ABCC10: variants seen among roughly 807,000 people sequenced by gnomAD.
The protein encoded by ABCC10 is ATP binding cassette subfamily C member 10, also known as ATP-binding cassette sub-family C member 10.
A neutral mutation model predicts 143.2 loss-of-function variants in ABCC10; 110 were observed. The observed-to-expected ratio is 0.77, with a 90% CI of 0.66 to 0.90. The LOEUF is 0.90. Ranked by LOEUF, ABCC10 falls within the 40% of genes least tolerant of loss-of-function variation. The probability of loss-of-function intolerance (pLI) is 0.00; values close to 1 mark genes in which losing one functional copy is unlikely to be tolerated. For synonymous variants in ABCC10, 805 were observed against 846.7 expected, an observed-to-expected ratio of 0.95 and a Z score of 0.85; for missense variants, 1,700 against 1,900.5, an observed-to-expected ratio of 0.89 and a Z score of 1.96.
chr6:43,438,032 ACCCCTGT>A lies in ABCC10; in HGVS notation c.1955+22_1955+28del. 3.7e-6 allele frequency: 6 copies of A among 1,606,480 alleles called. No homozygotes were observed. Among genetic ancestry groups the A allele is most frequent in the Non-Finnish European group, 5.1e-6 (6 of 1,176,280 alleles). On this transcript the variant is annotated intron_variant, in intron 7 of 21. Transcript: ENST00000372530. ...TCCACAGGTAACCAACCTCCTATGC[ACCCCTGT>A]CCTTACTTTGTCCTTTAGCAAACAC...
intron 9 of ABCC10, chr6:43,442,162 A>T (rs1782542007): frequency 2.3e-6 from 1 of 427,962 alleles, no homozygotes; most frequent in African/African-American, 2.0e-5. Flanking sequence ...AAGTATTTGT[A>T]GGCTGGGCAT....
chr6:43,444,101 T>A (rs907269103), intron 11 of ABCC10, 58 bp from the exon 12 acceptor site: 61 of 1,609,468 alleles, frequency 3.8e-5, no homozygotes, highest in Non-Finnish European at 5.0e-5. Flanking sequence ...TCTGAAATAC[T>A]GAGTTTTCAG....
At chr6:43,439,062 C>T (rs1163754169) in intron 8 of ABCC10, among the ~76,000 whole-genome samples, 2 of 152,166 alleles carry the variant, frequency 1.3e-5, no homozygotes, top group Non-Finnish European at 2.9e-5. Context: ...TGGGGCTTAG[C>T]TCTGCACAGC....
rs754481928 is a variant in ABCC10, at chr6:43,432,176, T to C, written c.196T>C (p.Trp66Arg). Residue 66 changes from tryptophan to arginine, a missense_variant, in exon 3 of 22, where the codon TGG becomes CGG. Physicochemically the swap from Trp to Arg is moderately radical, Grantham distance 101. Coordinates refer to ENST00000372530, the MANE Select transcript of ABCC10 (RefSeq NM_001198934.2). ...TTACATCCTACCCTGCAGTCCTGGA[T>C]GGCGCCTCCGACTTGCAGCTTCCTT... The part of the protein sequence containing the change: ...PDYILPCSPG[W>R]RLRLAASFLL... The C allele has an allele frequency of 1.2e-5, 20 of 1,614,228 alleles. No homozygotes were observed. The highest frequency in any genetic ancestry group is 1.7e-5 in the Non-Finnish European group (20 of 1,180,020).
chr6:43,440,289 C>T (rs1581747559), intron 8 of ABCC10, among the ~76,000 whole-genome samples: 1 of 152,236 alleles, frequency 6.6e-6, no homozygotes, highest in South Asian at 2.1e-4. Flanking sequence ...AAGGAATGTA[C>T]TACCTCTAAG....
At chr6:43,436,284 T>G (rs746699605) in intron 6 of ABCC10, 37 bp downstream of exon 6, 2 of 1,600,614 alleles carry the variant, frequency 1.2e-6, no homozygotes, top group Non-Finnish European at 1.7e-6. Context: ...GTCCTCAGAC[T>G]AACGAGAGAG....
downstream of ABCC10, chr6:43,450,586 G>T (rs1161083390): frequency 3.2e-6 from 5 of 1,586,864 alleles, no homozygotes; most frequent in African/African-American, 2.7e-5. This position sits in a 1 kb window ranked among gnomAD's most constrained non-coding sequence, Gnocchi z 4.5. Context: ...TCACGTGGCA[G>T]GGGGAGCCCT....
chr6:43,442,646 A>G (rs553794535), intron 9 of ABCC10, among the ~76,000 whole-genome samples: 35 of 151,966 alleles, frequency 2.3e-4, no homozygotes, highest in Middle Eastern at 3.4e-3. Flanking sequence ...GGGAAGGATC[A>G]CTTGAGCCTG....
intron 15 of ABCC10, 38 bp downstream of exon 15, chr6:43,445,980 G>A (rs903594402): frequency 1.3e-6 from 2 of 1,580,040 alleles, no homozygotes; most frequent in African/African-American, 1.4e-5. Context: ...AGGTGTTGGG[G>A]GGAGAGGAAA....
chr6:43,450,893 G>A (rs756406599), downstream of ABCC10: 2 of 1,614,192 alleles, frequency 1.2e-6, no homozygotes, highest in Non-Finnish European at 1.7e-6. This position sits in a 1 kb window ranked among gnomAD's most constrained non-coding sequence, Gnocchi z 4.5. Flanking sequence ...CAGCTGAGGT[G>A]GGCCCTAGAG....
At chr6:43,432,017 G>A (rs749914618) in intron 2 of ABCC10, 125 bp from the exon 3 acceptor site, 2 of 1,470,640 alleles carry the variant, frequency 1.4e-6, no homozygotes, top group African/African-American at 1.4e-5. Flanking sequence ...AAGTGGAGTA[G>A]GGATAAGATG....
At chr6:43,449,241 A>G (rs1473997420) in intron 20 of ABCC10, 37 bp downstream of exon 20, 2 of 1,607,250 alleles carry the variant, frequency 1.2e-6, no homozygotes, top group Non-Finnish European at 1.7e-6. Flanking sequence ...GAGGGCCAGG[A>G]AGAAGGCTGG....
rs1235271737 is a variant in ABCC10, at chr6:43,433,053, C to G, written c.1073C>G (p.Ala358Gly). The G allele has an allele frequency of 6.2e-7, 1 of 1,614,166 alleles. No homozygotes were observed. The highest frequency in any genetic ancestry group is 1.7e-5 in the Admixed American group (1 of 60,024). Residue 358 changes from alanine to glycine, a missense_variant, in exon 3 of 22, where the codon GCT becomes GGT. Coordinates refer to ENST00000372530, the MANE Select transcript of ABCC10 (RefSeq NM_001198934.2). ...AAGGTAACACTTCAGGCACGGGGGG[C>G]TGTGCTGAACATCCTGTACTGCAAG... ...VYKVTLQARGAVLNILYCKAL... is the reference protein window; with the variant it reads ...VYKVTLQARGGVLNILYCKAL...
Position 43,447,301 on chromosome 6 carries a change from G to C in ABCC10, c.3598G>C (p.Gly1200Arg), listed in dbSNP as rs779288383. ...YALSLTGLLSGLVSSFTQTEA... is the reference protein window; with the variant it reads ...YALSLTGLLSRLVSSFTQTEA... ...CCTGTCCCTGACGGGCCTGCTCTCG[G>C]GCCTGGTGAGCAGCTTCACACAGAC... is the stretch of plus-strand genomic sequence containing the variant. The change falls in exon 17 of 22, where the codon GGC becomes CGC. Residue 1200 changes from glycine (G) to arginine (R), a missense_variant. Physicochemically the swap from Gly to Arg is moderately radical, Grantham distance 125. Coordinates refer to ENST00000372530, the MANE Select transcript of ABCC10 (RefSeq NM_001198934.2). 25 of 1,613,600 alleles carry C rather than the reference G, an allele frequency of 1.5e-5. No individual in the cohort carries two copies. Among genetic ancestry groups the C allele is most frequent in the Middle Eastern group, 1.6e-4 (1 of 6,084 alleles).
chr6:43,434,668 G>A lies in ABCC10; in HGVS notation c.1428G>A (p.Gly476=). 1.9e-6 allele frequency: 3 copies of A among 1,614,170 alleles called. No homozygotes were observed. In the South Asian group the frequency reaches 3.3e-5, roughly 18 times the overall value. The change falls in exon 4 of 22, where the codon GGG becomes GGA. Residue 476 remains glycine (G), a synonymous_variant. Transcript: ENST00000372530. ...LSGIRVIKFC[G]WEQALGARVE... is the part of the protein sequence containing the mutation. Reference sequence around the variant, plus strand: ...GCATTCGGGTCATCAAGTTCTGCGGGTGGGAGCAGGCACTGGGAGCCCGAG... The same window carrying A: ...GCATTCGGGTCATCAAGTTCTGCGGATGGGAGCAGGCACTGGGAGCCCGAG...
intron 8 of ABCC10, among the ~76,000 whole-genome samples, chr6:43,439,575 G>A (rs181013273): frequency 1.3e-4 from 19 of 151,562 alleles, no homozygotes; most frequent in African/African-American, 2.7e-4. Context: ...GCTAATTTTC[G>A]TTTTGTTTTG....
At position 43,445,830 on chromosome 6, in the gene ABCC10, T is replaced by C. The variant is rs1276452907; in HGVS notation, c.3262T>C (p.Ser1088Pro). Residue 1088 changes from serine (S) to proline (P), a missense_variant, in exon 15 of 22, where the codon TCC (serine) becomes CCC (proline). Ser to Pro is a moderately conservative substitution (Grantham distance 74). Transcript: ENST00000372530. ...TCACGTGCAGCGCCACTACAGGGCC[T>C]CCTCACGGGAGCTGCGGCGCCTGGG... ...YYHVQRHYRA[S>P]SRELRRLGSL... 1 of 1,614,002 alleles carries C rather than the reference T, an allele frequency of 6.2e-7. No individual in the cohort carries two copies. The highest frequency in any genetic ancestry group is 1.3e-5 in the African/African-American group (1 of 74,914).
At chr6:43,435,534 A>C (rs1024635984) in intron 4 of ABCC10, among the ~76,000 whole-genome samples, 1 of 150,472 alleles carries the variant, frequency 6.6e-6, no homozygotes, top group Admixed American at 6.6e-5. Context: ...CTCGTCAAGA[A>C]AAAAAAAAAT....
At chr6:43,435,598 A>G (rs1224292686) in intron 4 of ABCC10, among the ~76,000 whole-genome samples, 153 bp from the exon 5 acceptor site, 1 of 151,962 alleles carries the variant, frequency 6.6e-6, no homozygotes, top group Admixed American at 6.6e-5. Context: ...TTAAGTGACC[A>G]TCTCTGCCAC....
Sources: allele counts gnomAD v4.1 joint callset (sites outside exome capture counted in the v4.1 genomes callset), GRCh38; gene constraint gnomAD v4.1.1; non-coding constraint Gnocchi (gnomAD v3.1); transcripts MANE v1.5; gene names NCBI Gene and HGNC (gene_info 2026-07-23, HGNC 2026-07-21).